The following NLRP1 variants were observed in gnomAD, a reference collection of about 807,000 sequenced individuals.
NLRP1 encodes the protein NLR family pyrin domain containing 1.
A neutral mutation model predicts 136.7 loss-of-function variants in NLRP1; 94 were observed. The observed-to-expected ratio is 0.69, with a 90% CI of 0.58 to 0.82. The LOEUF (loss-of-function observed/expected upper bound fraction) is 0.82, where lower values mean the gene tolerates loss of function less well. Among genes scored for constraint, NLRP1 ranks in the 40% least tolerant of loss-of-function variants. NLRP1 has a pLI of 0.00. For synonymous variants in NLRP1, 690 were observed against 725.1 expected (o/e 0.95, Z 0.78); for missense variants, 1,575 against 1,802.7 (o/e 0.87, Z 2.29).
intron 7 of NLRP1, 36 bp downstream of exon 7, chr17:5,539,379 C>CT: frequency 6.3e-7 from 1 of 1,575,744 alleles, no homozygotes. Context: ...CCCCAACCCT[C>CT]TTCCCTCTGC....
chr17:5,581,335 G>A, intron 3 of NLRP1, among the ~76,000 whole-genome samples: 1 of 152,248 alleles, frequency 6.6e-6, no homozygotes, highest in East Asian at 1.9e-4. Context: ...AGTACTAACT[G>A]TGAGACTATC....
At chr17:5,572,011 T>A (rs1308277037) in intron 3 of NLRP1, among the ~76,000 whole-genome samples, 2 of 152,196 alleles carry the variant, frequency 1.3e-5, no homozygotes, top group African/African-American at 4.8e-5. Flanking sequence ...GCATTCCCTA[T>A]TCAATACGTG....
chr17:5,572,782 C>G (rs1365929258), intron 3 of NLRP1, among the ~76,000 whole-genome samples: 1 of 151,024 alleles, frequency 6.6e-6, no homozygotes, highest in Admixed American at 6.6e-5. Context: ...ACATGGCCAA[C>G]AGCATATGAA....
rs1325595629 is a variant in NLRP1, at chr17:5,559,024, C to G, written c.1672G>C (p.Ala558Pro). The G allele has an allele frequency of 6.2e-7, 1 of 1,613,986 alleles. No individual in the cohort carries two copies. Among genetic ancestry groups the G allele is most frequent in the Non-Finnish European group, 8.5e-7 (1 of 1,180,024 alleles). Reference sequence around the variant, plus strand: ...GGTCCCAATGGCTGAGCTTGGAGAGCCTGGGCAAGGTAATGTAGACAGAGG... The same window carrying G: ...GGTCCCAATGGCTGAGCTTGGAGAGGCTGGGCAAGGTAATGTAGACAGAGG... ...TTLCLHYLAQ[A>P]LQAQPLGPQL... Residue 558 changes from alanine to proline, a missense_variant, in exon 4 of 17, where the codon GCT (alanine) becomes CCT (proline). Transcript: ENST00000572272.
At chr17:5,552,240 T>C (rs1360980792) in intron 5 of NLRP1, among the ~76,000 whole-genome samples, 1 of 152,144 alleles carries the variant, frequency 6.6e-6, no homozygotes, top group Non-Finnish European at 1.5e-5. Flanking sequence ...CCTTTGTGAT[T>C]TCTTCTTTGA....
At chr17:5,542,955 G>A (rs1185712478) in intron 5 of NLRP1, among the ~76,000 whole-genome samples, 1 of 152,060 alleles carries the variant, frequency 6.6e-6, no homozygotes, top group African/African-American at 2.4e-5. Context: ...TCAGCCTCCT[G>A]AGTAGCTGGG....
In NLRP1 at chr17:5,584,080, C is replaced by T. The variant is rs201018079; in HGVS notation, c.-123G>A. 8.0e-5 allele frequency: 78 copies of T among 971,860 alleles called. No individual in the cohort carries two copies. Among genetic ancestry groups the T allele is most frequent in the Non-Finnish European group, 1.1e-4 (76 of 672,790 alleles). 60.2% of individuals were successfully genotyped at this position (971,860 alleles called of 1,614,324 possible). ...CCGTCTCTTATTCAGCATTCGGAAC[C>T]CAGTTTTATAAATCCCAGGGCACCT... On this transcript the variant is annotated 5_prime_UTR_variant, in exon 1 of 17. Transcript: ENST00000572272.
At chr17:5,512,592 G>A, downstream of NLRP1, 1 of 504,750 alleles carries the variant, frequency 2.0e-6, no homozygotes, top group Non-Finnish European at 3.7e-6. Flanking sequence ...TGGGTGGGTG[G>A]GGCGTGAAGG....
downstream of NLRP1, chr17:5,512,051 C>T (rs1907676003): frequency 1.5e-5 from 10 of 668,042 alleles, no homozygotes; most frequent in South Asian, 1.5e-4. Context: ...CAAAAATTAA[C>T]ACCTTTAGGT....
In NLRP1 at chr17:5,521,671, G is replaced by A. The variant is rs11653580; in HGVS notation, c.3636C>T (p.Phe1212=). 79,660 of 1,613,826 alleles carry A rather than the reference G, an allele frequency of 0.049. 2,253 individuals are homozygous for A. Among genetic ancestry groups the A allele is most frequent in the African/African-American group, 0.086 (6,468 of 75,012 alleles). The part of the protein sequence containing the change: ...LHHIVLENPS[F]SPLGVLLKMI... ...TTTTCAGGAGGACTCCCAAGGGGGA[G>A]AAGCTGGGGTTTTCCAGAACTATGT... is the stretch of plus-strand genomic sequence containing the variant. The change falls in exon 13 of 17, where the codon TTC becomes TTT. Residue 1212 remains phenylalanine (F), a synonymous_variant. Coordinates refer to ENST00000572272, the MANE Select transcript of NLRP1 (RefSeq NM_033004.4).
chr17:5,558,807 A>C lies in NLRP1; in HGVS notation c.1889T>G (p.Phe630Cys), dbSNP rs201519972. 1.9e-6 allele frequency: 3 copies of C among 1,614,098 alleles called. No individual in the cohort carries two copies. In the Admixed American group the frequency reaches 5.0e-5, roughly 27 times the overall value. Reference sequence around the variant, plus strand: ...CTCCAAGACATAGGACATTGCTGCAAAGAACTCTTGGAAACAGAGGTGAAT... The same window carrying C: ...CTCCAAGACATAGGACATTGCTGCACAGAACTCTTGGAAACAGAGGTGAAT... The part of the protein sequence containing the change: ...SFIHLCFQEF[F>C]AAMSYVLEDE... Residue 630 changes from phenylalanine to cysteine, a missense_variant, in exon 4 of 17, where the codon TTT becomes TGT. By Grantham distance (205) the Phe-to-Cys change is radical (BLOSUM62 -2). Transcript: ENST00000572272.
At position 5,572,852 on chromosome 17, in the gene NLRP1, C is replaced by T. The variant is rs1233128567; in HGVS notation, c.652+9007G>A. Among the ~76,000 whole-genome samples the T allele has an allele frequency of 3.3e-5, 5 of 152,228 alleles. No individual in the cohort carries two copies. The East Asian group carries it at 5.8e-4, about 18-fold the overall frequency. On this transcript the variant is annotated intron_variant, in intron 3 of 16. Transcript: ENST00000572272. ...CAAATTGGGGTGGTTCCAAGATGGC[C>T]GAATAGGAACAGCTCCGGTCTACAA...
At chr17:5,531,373 G>A (rs140401982) in intron 11 of NLRP1, among the ~76,000 whole-genome samples, 224 of 152,096 alleles carry the variant, frequency 1.5e-3, no homozygotes, top group African/African-American at 4.9e-3. Context: ...ATGTCACCAC[G>A]TCCAGCTAAT....
At chr17:5,513,029 T>C (rs1404444323), downstream of NLRP1, among the ~76,000 whole-genome samples, 1 of 152,248 alleles carries the variant, frequency 6.6e-6, no homozygotes, top group Non-Finnish European at 1.5e-5. Flanking sequence ...CTAAAGCTTA[T>C]ACCTTGTGAT....
At position 5,561,423 on chromosome 17, in the gene NLRP1, G is replaced by A. The variant is rs1031409594; in HGVS notation, c.653-1380C>T. On this transcript the variant is annotated intron_variant, in intron 3 of 16. Coordinates refer to ENST00000572272, the MANE Select transcript of NLRP1 (RefSeq NM_033004.4). The stretch of plus-strand genomic sequence containing the variant: ...CTTGATAGATCAAAAAGCATGCCAT[G>A]TGGTTTTTTTTTTTTTTTTTTTTTT... 1.1e-4 allele frequency among the ~76,000 whole-genome samples: 8 copies of A among 75,562 alleles called. 2 individuals carry two copies. The highest frequency in any genetic ancestry group is 2.0e-4 in the Non-Finnish European group (8 of 40,048). 49.6% of individuals were successfully genotyped at this position (75,562 alleles called of 152,430 possible).
chr17:5,541,977 C>T lies in NLRP1; in HGVS notation c.2579G>A (p.Gly860Glu). 2 of 1,614,112 alleles carry T rather than the reference C, an allele frequency of 1.2e-6. No homozygotes were observed. The highest frequency in any genetic ancestry group is 2.7e-5 in the African/African-American group (2 of 75,052). ...GGTCAGGGTCTGGTTGGCTCTCAGC[C>T]CAAAGGCAAGGTCCTTGCAGTCCTC... ...TAEDCKDLAF[G>E]LRANQTLTEL... The change falls in exon 6 of 17, where the codon GGG (glycine) becomes GAG (glutamate). Residue 860 changes from glycine (G) to glutamate (E), a missense_variant. Coordinates refer to ENST00000572272, the MANE Select transcript of NLRP1 (RefSeq NM_033004.4). The surrounding 1 kb of genome is among the most constrained non-coding windows in gnomAD (Gnocchi z 4.2).
intron 15 of NLRP1, chr17:5,502,578 A>ATTACTGGCATGAGCCT (rs1907144879): frequency 6.5e-6 from 1 of 153,576 alleles, no homozygotes; most frequent in Admixed American, 6.5e-5. Flanking sequence ...GGCATGAGCC[A>ATTACTGGCATGAGCCT]CTGCGCCAAG....
intron 12 of NLRP1, among the ~76,000 whole-genome samples, chr17:5,528,933 AAATT>A (rs1909886929): frequency 6.6e-6 from 1 of 152,244 alleles, no homozygotes; most frequent in Non-Finnish European, 1.5e-5. Flanking sequence ...GCTATAACAT[AAATT>A]GTTTATCAAA....
Position 5,558,444 on chromosome 17 carries a change from A to T in NLRP1, c.2252T>A (p.Leu751His), listed in dbSNP as rs779256831. ...MGMCVETDME[L>H]LVCTFCIKFS... ...TTTAATGCAGAAAGTGCACACTAAGAGCTCCATGTCTGTTTCTACACACAT... is the reference window on the plus strand; with the variant it reads ...TTTAATGCAGAAAGTGCACACTAAGTGCTCCATGTCTGTTTCTACACACAT... Residue 751 changes from leucine to histidine, a missense_variant, in exon 4 of 17, where the codon CTC becomes CAC. Leu to His is a moderately conservative substitution (Grantham distance 99). Transcript: ENST00000572272. The T allele has an allele frequency of 1.9e-6, 3 of 1,613,364 alleles. No homozygotes were observed. The highest frequency in any genetic ancestry group is 2.5e-6 in the Non-Finnish European group (3 of 1,179,822).
Sources: gnomAD v4.1 joint callset for allele counts (sites outside exome capture counted in the v4.1 genomes callset) on GRCh38, gnomAD v4.1.1 for gene constraint, Gnocchi (gnomAD v3.1) non-coding constraint, MANE v1.5 for transcripts, NCBI Gene and HGNC (gene_info 2026-07-23, HGNC 2026-07-21) for gene names.